Variants in KCNC2 observed in about 807,000 individuals in gnomAD.
KCNC2 encodes potassium voltage-gated channel subfamily C member 2.
In KCNC2, 21 loss-of-function variants were observed where a neutral mutation model predicts 44.5. The ratio of observed to expected loss-of-function variants is 0.47; its 90% CI spans 0.33 to 0.68. The LOEUF (loss-of-function observed/expected upper bound fraction) is 0.68. Ranked by LOEUF, KCNC2 falls within the 30% of genes least tolerant of loss-of-function variation. The pLI is 0.01. For synonymous variants in KCNC2, 391 were observed against 339.1 expected (o/e 1.15, Z -1.68); for missense variants, 589 against 826.2 (o/e 0.71, Z 3.52).
intron 2 of KCNC2, among the ~76,000 whole-genome samples, chr12:75,078,130 G>A (rs1884162508): frequency 6.6e-6 from 1 of 151,988 alleles, no homozygotes; most frequent in South Asian, 2.1e-4. Context: ...TGGGTACCTT[G>A]TTTATAATAT....
intron 2 of KCNC2, among the ~76,000 whole-genome samples, chr12:75,102,459 G>A (rs1886444015): frequency 1.3e-5 from 2 of 151,916 alleles, no homozygotes; most frequent in Admixed American, 6.6e-5. Flanking sequence ...TTATTATCCA[G>A]GAAGAAACCA....
At chr12:75,155,728 A>G (rs1890711094) in intron 2 of KCNC2, among the ~76,000 whole-genome samples, 1 of 151,576 alleles carries the variant, frequency 6.6e-6, no homozygotes, top group East Asian at 2.0e-4. Context: ...GAATTAATGA[A>G]TTAGACATTG....
intron 2 of KCNC2, among the ~76,000 whole-genome samples, chr12:75,058,509 T>C (rs1044323273): frequency 2.0e-5 from 3 of 152,034 alleles, no homozygotes; most frequent in Admixed American, 1.3e-4. Flanking sequence ...TATCCAAAAA[T>C]ATTTGTTTTT....
intron 2 of KCNC2, among the ~76,000 whole-genome samples, chr12:75,162,337 A>G (rs1891173627): frequency 6.6e-6 from 1 of 151,730 alleles, no homozygotes; most frequent in Non-Finnish European, 1.5e-5. Flanking sequence ...TCTGCTTTTT[A>G]AGTGTTTCTA....
intron 2 of KCNC2, among the ~76,000 whole-genome samples, chr12:75,123,252 T>G (rs1226534991): frequency 1.3e-5 from 2 of 152,192 alleles, no homozygotes; most frequent in African/African-American, 2.4e-5. Flanking sequence ...AGATTAAGCC[T>G]AAAGACTCAG....
At chr12:75,066,099 T>C (rs1882802611) in intron 2 of KCNC2, among the ~76,000 whole-genome samples, 4 of 152,090 alleles carry the variant, frequency 2.6e-5, no homozygotes, top group Non-Finnish European at 1.5e-5. Flanking sequence ...AACACCTAAA[T>C]TTATGATAGC....
Position 75,200,955 on chromosome 12 carries a change from G to A in KCNC2, c.687+6342C>T, listed in dbSNP as rs146786856. 4.9e-4 allele frequency among the ~76,000 whole-genome samples: 74 copies of A among 151,716 alleles called. 1 individual carries two copies. Among genetic ancestry groups the A allele is most frequent in the African/African-American group, 1.5e-3 (64 of 41,468 alleles). On this transcript the variant is annotated intron_variant, in intron 2 of 4. Coordinates refer to ENST00000549446, the MANE Select transcript of KCNC2 (RefSeq NM_139137.4). The stretch of plus-strand genomic sequence containing the variant: ...AAAATATGAAAAGGGGAAAAACATG[G>A]TGTTGTTGATAAGATACTTTTCAAG...
intron 2 of KCNC2, among the ~76,000 whole-genome samples, chr12:75,167,101 A>G (rs1321006971): frequency 6.6e-6 from 1 of 151,438 alleles, no homozygotes; most frequent in Non-Finnish European, 1.5e-5. Context: ...ATGAGAGGGT[A>G]TCACTAGCAA....
intron 4 of KCNC2, chr12:75,043,746 G>T: frequency 6.7e-7 from 1 of 1,501,484 alleles, no homozygotes; most frequent in Non-Finnish European, 8.9e-7. Context: ...GTTAAAAGAT[G>T]ATTCTTAAAT....
chr12:75,067,120 T>C (rs1054308579), intron 2 of KCNC2, among the ~76,000 whole-genome samples: 5 of 152,180 alleles, frequency 3.3e-5, no homozygotes, highest in Non-Finnish European at 7.3e-5. Flanking sequence ...GAGGATCTCT[T>C]GAGCCTGGGA....
intron 2 of KCNC2, among the ~76,000 whole-genome samples, chr12:75,123,029 T>C (rs1336328321): frequency 6.6e-6 from 1 of 151,994 alleles, no homozygotes; most frequent in Non-Finnish European, 1.5e-5. Flanking sequence ...TTACGCTAAA[T>C]TAAATATATT....
intron 2 of KCNC2, among the ~76,000 whole-genome samples, chr12:75,055,150 C>A (rs1234484135): frequency 6.6e-6 from 1 of 152,014 alleles, no homozygotes; most frequent in African/African-American, 2.4e-5. Flanking sequence ...TTTTGTATTT[C>A]TTGCTCCTTG....
At chr12:75,084,696 CA>C (rs1240745181) in intron 2 of KCNC2, among the ~76,000 whole-genome samples, 2 of 151,792 alleles carry the variant, frequency 1.3e-5, no homozygotes, top group Non-Finnish European at 2.9e-5. Flanking sequence ...AGCATCATGA[CA>C]ACAGACTAAT....
intron 2 of KCNC2, among the ~76,000 whole-genome samples, chr12:75,093,756 G>T (rs1256123103): frequency 6.6e-6 from 1 of 151,482 alleles, no homozygotes; most frequent in Non-Finnish European, 1.5e-5. Context: ...TTCACCCACA[G>T]AAGATTCAAG....
intron 2 of KCNC2, among the ~76,000 whole-genome samples, chr12:75,156,669 TC>T (rs1422188159): frequency 6.6e-6 from 1 of 151,880 alleles, no homozygotes; most frequent in Non-Finnish European, 1.5e-5. Context: ...CAATAAACTA[TC>T]TAAAGCACTT....
intron 2 of KCNC2, among the ~76,000 whole-genome samples, chr12:75,054,548 T>C (rs914037312): frequency 1.3e-5 from 2 of 152,138 alleles, no homozygotes; most frequent in African/African-American, 4.8e-5. Context: ...GCCTTTTCTG[T>C]TTTGCTTTCA....
At chr12:75,052,492 T>C (rs1416921057) in intron 2 of KCNC2, among the ~76,000 whole-genome samples, 1 of 152,152 alleles carries the variant, frequency 6.6e-6, no homozygotes, top group Admixed American at 6.6e-5. Context: ...AGATCACTAG[T>C]AATCTGTGAT....
At chr12:75,085,161 C>T (rs1884891478) in intron 2 of KCNC2, among the ~76,000 whole-genome samples, 1 of 152,000 alleles carries the variant, frequency 6.6e-6, no homozygotes, top group Admixed American at 6.6e-5. Context: ...CTGCTTGTTA[C>T]CAAGAGGTTT....
chr12:75,041,938 T>C lies in KCNC2; in HGVS notation c.*1167A>G, dbSNP rs1213686835. 6.0e-6 allele frequency: 6 copies of C among 1,002,826 alleles called. No individual in the cohort carries two copies. Among genetic ancestry groups the C allele is most frequent in the Non-Finnish European group, 7.1e-6 (6 of 841,870 alleles). 62.1% of individuals were successfully genotyped at this position (1,002,826 alleles called of 1,614,324 possible). A position where few individuals can be genotyped will look rare whatever the true frequency, so the allele number is the denominator to read the frequency against. ...CATTTCTGTGCTTCATGGAGACAGATGGCATATACAGGAAAGACAGGGAGC... is the reference window on the plus strand; with the variant it reads ...CATTTCTGTGCTTCATGGAGACAGACGGCATATACAGGAAAGACAGGGAGC... On this transcript the variant is annotated 3_prime_UTR_variant, in exon 5 of 5. Coordinates refer to ENST00000549446, the MANE Select transcript of KCNC2 (RefSeq NM_139137.4).
Sources: gnomAD v4.1 joint callset for allele counts (sites outside exome capture counted in the v4.1 genomes callset) on GRCh38, gnomAD v4.1.1 for gene constraint, MANE v1.5 for transcripts, NCBI Gene and HGNC (gene_info 2026-07-23, HGNC 2026-07-21) for gene names.